The following DARS1 variants were observed in gnomAD, a reference collection of about 807,000 sequenced individuals.
The protein encoded by DARS1 is aspartate--tRNA ligase, cytoplasmic.
A neutral mutation model predicts 68.8 loss-of-function variants in DARS1; 51 were observed. The observed-to-expected ratio is 0.74, with a 90% CI of 0.59 to 0.94. The LOEUF (loss-of-function observed/expected upper bound fraction) is 0.94, where lower values mean the gene tolerates loss of function less well. DARS1 is among the 40% of genes least tolerant of loss of function. The pLI, the probability that DARS1 is intolerant of heterozygous loss-of-function variation, is 0.00. For synonymous variants in DARS1, 203 were observed against 190.4 expected, an observed-to-expected ratio of 1.07 and a Z score of -0.55; for missense variants, 607 against 597.3, an observed-to-expected ratio of 1.02 and a Z score of -0.17.
intron 3 of DARS1, among the ~76,000 whole-genome samples, chr2:135,973,547 C>A (rs1029266666): frequency 6.6e-6 from 1 of 151,638 alleles, no homozygotes; most frequent in African/African-American, 2.4e-5. Context: ...AATAATTGTA[C>A]ATTTAAAAAT....
chr2:135,944,108 TATA>T (rs138997713), intron 4 of DARS1, among the ~76,000 whole-genome samples: 2,118 of 152,296 alleles, frequency 0.014, 42 homozygotes, highest in African/African-American at 0.038. Context: ...AGCTTATTTT[TATA>T]ATAACTTGAA....
At chr2:135,929,803 G>C (rs1299860006) in intron 7 of DARS1, among the ~76,000 whole-genome samples, 1 of 152,184 alleles carries the variant, frequency 6.6e-6, no homozygotes, top group Non-Finnish European at 1.5e-5. Flanking sequence ...CTTTGTTTAA[G>C]CGTTTTGTGG....
intron 5 of DARS1, among the ~76,000 whole-genome samples, chr2:135,938,930 G>C (rs959923086): frequency 1.2e-4 from 18 of 152,262 alleles, no homozygotes; most frequent in African/African-American, 4.3e-4. Flanking sequence ...TTAAATAATG[G>C]TAAAGGGATC....
At chr2:135,938,770 C>G (rs1681529217) in intron 5 of DARS1, among the ~76,000 whole-genome samples, 1 of 152,102 alleles carries the variant, frequency 6.6e-6, no homozygotes, top group South Asian at 2.1e-4. Flanking sequence ...AGACCCATCT[C>G]ACATGCAGAG....
At chr2:135,926,478 A>G (rs1292872639) in intron 7 of DARS1, among the ~76,000 whole-genome samples, 1 of 152,182 alleles carries the variant, frequency 6.6e-6, no homozygotes, top group African/African-American at 2.4e-5. Flanking sequence ...GACAATTCTA[A>G]TACATCCTAA....
At position 135,924,443 on chromosome 2, in the gene DARS1, C is replaced by T. The variant is rs749063323; in HGVS notation, c.620G>A (p.Arg207Gln). 14 of 1,608,744 alleles carry T rather than the reference C, an allele frequency of 8.7e-6. No homozygotes were observed. The highest frequency in any genetic ancestry group is 2.7e-5 in the African/African-American group (2 of 74,486). ...AAAACCTTTGTTAATTAAAGTTTCT[C>T]GGAAGAGATGGCAGATGCCAGACTG... Reference protein sequence around the residue: ...RLQSGICHLFRETLINKGFVE... With the variant: ...RLQSGICHLFQETLINKGFVE... The change falls in exon 8 of 16, where the codon CGA becomes CAA. Residue 207 changes from arginine (R) to glutamine (Q), a missense_variant. Physicochemically the swap from Arg to Gln is conservative, Grantham distance 43. Transcript: ENST00000264161.
At chr2:135,915,517 G>A (rs1476501013) in intron 11 of DARS1, among the ~76,000 whole-genome samples, 1 of 152,002 alleles carries the variant, frequency 6.6e-6, no homozygotes, top group African/African-American at 2.4e-5. Context: ...CGAAATCCTG[G>A]CTCATATGAT....
At chr2:135,915,521 A>G (rs1257441900) in intron 11 of DARS1, among the ~76,000 whole-genome samples, 1 of 152,116 alleles carries the variant, frequency 6.6e-6, no homozygotes, top group African/African-American at 2.4e-5. Context: ...ATCCTGGCTC[A>G]TATGATCCTC....
intron 5 of DARS1, among the ~76,000 whole-genome samples, chr2:135,934,922 G>A (rs556762163): frequency 4.3e-4 from 65 of 151,350 alleles, no homozygotes; most frequent in African/African-American, 1.6e-3. Context: ...AGCCTCCTGA[G>A]TAGCTGGGAC....
chr2:135,933,307 T>G (rs1342959406), intron 6 of DARS1, among the ~76,000 whole-genome samples: 1 of 152,260 alleles, frequency 6.6e-6, no homozygotes, highest in Non-Finnish European at 1.5e-5. Flanking sequence ...TTTTTGTTTT[T>G]CACTCTTCAT....
In DARS1 at chr2:135,961,396, T is replaced by C. The variant is rs112319042; in HGVS notation, c.320A>G (p.Asn107Ser). The C allele has an allele frequency of 1.6e-6, 2 of 1,289,092 alleles. No individual in the cohort carries two copies. Among genetic ancestry groups the C allele is most frequent in the South Asian group, 1.2e-5 (1 of 84,710 alleles). 79.9% of individuals were successfully genotyped at this position (1,289,092 alleles called of 1,614,324 possible). A position where few individuals can be genotyped will look rare whatever the true frequency, so the allele number is the denominator to read the frequency against. The stretch of plus-strand genomic sequence containing the variant: ...CAACAGGATATAATTGCTTACTTAC[T>C]TGGCAGCAAATTTAACCATCTGCTT... ...ASKQMVKFAA[N>S]INKESIVDVE... The change falls in exon 4 of 16, where the codon AAC becomes AGC. Residue 107 changes from asparagine (N) to serine (S), a missense_variant and splice_region_variant. Physicochemically the swap from Asn to Ser is conservative, Grantham distance 46 (BLOSUM62 1). Transcript: ENST00000264161.
chr2:135,962,386 CA>C (rs1682121190), intron 3 of DARS1, among the ~76,000 whole-genome samples: 1 of 152,114 alleles, frequency 6.6e-6, no homozygotes, highest in Admixed American at 6.6e-5. Context: ...TTAATCTCTC[CA>C]AGACCACTTT....
chr2:135,915,746 G>A (rs1680991406), intron 11 of DARS1, among the ~76,000 whole-genome samples: 1 of 151,910 alleles, frequency 6.6e-6, no homozygotes, highest in South Asian at 2.1e-4. Context: ...TTTATACCCC[G>A]ATCCTGTGTG....
intron 13 of DARS1, 133 bp from the exon 14 acceptor site, chr2:135,911,626 A>G (rs1680899118): frequency 5.0e-6 from 3 of 604,294 alleles, no homozygotes; most frequent in East Asian, 2.8e-5. Context: ...CTTGTTCTCT[A>G]AAGTAGAATT....
chr2:135,949,923 A>G (rs1471377197), intron 4 of DARS1, among the ~76,000 whole-genome samples: 1 of 152,232 alleles, frequency 6.6e-6, no homozygotes, highest in African/African-American at 2.4e-5. Flanking sequence ...AAGGCAAAAG[A>G]TAAGCACTTC....
intron 11 of DARS1, among the ~76,000 whole-genome samples, chr2:135,915,076 T>C (rs1283824278): frequency 1.3e-5 from 2 of 152,108 alleles, no homozygotes; most frequent in African/African-American, 2.4e-5. Context: ...CATCTAGCAA[T>C]GTAGGCAATA....
At chr2:135,979,989 C>T (rs779513152) in intron 2 of DARS1, among the ~76,000 whole-genome samples, 1 of 152,178 alleles carries the variant, frequency 6.6e-6, no homozygotes, top group African/African-American at 2.4e-5. Flanking sequence ...CTGCAGCTTT[C>T]ACCTTTCCTG....
intron 5 of DARS1, 85 bp from the exon 6 acceptor site, chr2:135,934,075 G>C (rs910155002): frequency 1.3e-6 from 2 of 1,525,864 alleles, no homozygotes; most frequent in Admixed American, 2.0e-5. Context: ...GTTGACTTAA[G>C]CATGAAGCAA....
At chr2:135,914,339 G>T (rs1680959376) in intron 12 of DARS1, 130 bp downstream of exon 12, 4 of 664,102 alleles carry the variant, frequency 6.0e-6, no homozygotes, top group Admixed American at 2.5e-5. Context: ...TTTTAATGTT[G>T]TCCTTCTTCG....
Sources: allele counts gnomAD v4.1 joint callset (sites outside exome capture counted in the v4.1 genomes callset), GRCh38; gene constraint gnomAD v4.1.1; transcripts MANE v1.5; gene names NCBI Gene and HGNC (gene_info 2026-07-23, HGNC 2026-07-21).